Variants in NELL1 observed in about 807,000 individuals in gnomAD.
NELL1 encodes neural EGFL like 1, also known as protein kinase C-binding protein NELL1.
Under a neutral mutation model 107.4 loss-of-function variants are expected in NELL1, and 76 were observed. That is an observed-to-expected ratio of 0.71 (90% confidence interval 0.59 to 0.86). The LOEUF (loss-of-function observed/expected upper bound fraction) is 0.86, where lower values mean the gene tolerates loss of function less well. NELL1 is among the 40% of genes least tolerant of loss of function. The probability of loss-of-function intolerance (pLI) is 0.00; values close to 1 mark genes in which losing one functional copy is unlikely to be tolerated. For synonymous variants in NELL1, 353 were observed against 341.2 expected, an observed-to-expected ratio of 1.03 and a Z score of -0.38; for missense variants, 1,024 against 1,005.5, an observed-to-expected ratio of 1.02 and a Z score of -0.25.
intron 14 of NELL1, among the ~76,000 whole-genome samples, chr11:21,289,437 G>C (rs1443053371): frequency 6.6e-6 from 1 of 152,146 alleles, no homozygotes; most frequent in African/African-American, 2.4e-5. Context: ...CTAGCCAAGG[G>C]AAGCCATGAG....
intron 3 of NELL1, among the ~76,000 whole-genome samples, chr11:20,822,841 C>T (rs917071252): frequency 1.3e-5 from 2 of 152,156 alleles, no homozygotes; most frequent in Non-Finnish European, 2.9e-5. Flanking sequence ...ATGTGCTCAG[C>T]TTTGCTTAAA....
At chr11:20,727,282 C>T (rs1044709870) in intron 2 of NELL1, among the ~76,000 whole-genome samples, 19 of 152,214 alleles carry the variant, frequency 1.2e-4, no homozygotes, top group Admixed American at 4.6e-4. Context: ...TTTTAATGAT[C>T]GCCATTTTAA....
At chr11:21,131,365 G>A (rs1855612836) in intron 13 of NELL1, among the ~76,000 whole-genome samples, 1 of 152,304 alleles carries the variant, frequency 6.6e-6, no homozygotes, top group South Asian at 2.1e-4. Flanking sequence ...ATTTGGCAAG[G>A]AAATGCGGTA....
At chr11:21,010,892 C>G (rs1380113183) in intron 12 of NELL1, among the ~76,000 whole-genome samples, 1 of 152,100 alleles carries the variant, frequency 6.6e-6, no homozygotes, top group Non-Finnish European at 1.5e-5. Context: ...TGCCCAGCCC[C>G]CTTTCTGTTC....
intron 15 of NELL1, among the ~76,000 whole-genome samples, chr11:21,471,580 T>C (rs1336175430): frequency 6.6e-6 from 1 of 151,796 alleles, no homozygotes; most frequent in African/African-American, 2.4e-5. Flanking sequence ...TATTGTTTGT[T>C]TACTGTGATA....
At chr11:20,759,891 C>A (rs1334129521) in intron 2 of NELL1, among the ~76,000 whole-genome samples, 3 of 152,218 alleles carry the variant, frequency 2.0e-5, no homozygotes, top group Non-Finnish European at 4.4e-5. Flanking sequence ...TTCCTGGACT[C>A]TATCCCTGCT....
chr11:21,113,910 T>C (rs759559175), intron 13 of NELL1, among the ~76,000 whole-genome samples, 196 bp downstream of exon 13: 1 of 152,034 alleles, frequency 6.6e-6, no homozygotes, highest in East Asian at 1.9e-4. Flanking sequence ...ACTCCCAATA[T>C]TTCTGCCTCT....
intron 15 of NELL1, among the ~76,000 whole-genome samples, chr11:21,413,040 T>C (rs948348850): frequency 2.0e-5 from 3 of 152,094 alleles, no homozygotes; most frequent in Non-Finnish European, 4.4e-5. Flanking sequence ...TCCAACACTT[T>C]GGCTAATAGG....
chr11:21,074,999 G>A (rs1854101445), intron 12 of NELL1, among the ~76,000 whole-genome samples: 1 of 152,138 alleles, frequency 6.6e-6, no homozygotes, highest in Admixed American at 6.6e-5. Flanking sequence ...CAATAGTCTA[G>A]GATTATGTCA....
chr11:20,884,178 A>G lies in NELL1; in HGVS notation c.507-1266A>G, dbSNP rs77749752. ...GAGTAATGGACTGTGCAGCTAAGAT[A>G]TAAGACTGCAGCGCGACAGCTCCCA... On this transcript the variant is annotated intron_variant, in intron 4 of 19. Transcript: ENST00000357134. Among the ~76,000 whole-genome samples, 14 of 152,348 alleles carry G rather than the reference A, an allele frequency of 9.2e-5. No individual in the cohort carries two copies. In the East Asian group the frequency reaches 2.5e-3, roughly 27 times the overall value.
Position 21,024,667 on chromosome 11 carries a change from C to T in NELL1, c.1300+64107C>T, listed in dbSNP as rs534430159. ...AGGCTTGCATTCTATCAGTGAAAAA[C>T]ATGAAACAAAATAAACTTGTCTAAA... On this transcript the variant is annotated intron_variant, in intron 12 of 19. Coordinates refer to ENST00000357134, the MANE Select transcript of NELL1 (RefSeq NM_006157.5). Among the ~76,000 whole-genome samples, 18 of 152,206 alleles carry T rather than the reference C, an allele frequency of 1.2e-4. No homozygotes were observed. In the South Asian group the frequency reaches 3.7e-3, roughly 32 times the overall value.
chr11:20,763,961 T>TAATGC (rs1268958435), intron 2 of NELL1, among the ~76,000 whole-genome samples: 1 of 152,208 alleles, frequency 6.6e-6, no homozygotes, highest in Non-Finnish European at 1.5e-5. Flanking sequence ...ACTGGCAAGG[T>TAATGC]AATGCAGCCA....
chr11:21,326,927 C>A (rs1319503449), intron 14 of NELL1, among the ~76,000 whole-genome samples: 1 of 151,906 alleles, frequency 6.6e-6, no homozygotes, highest in Admixed American at 6.6e-5. Context: ...TTGTTTTCTA[C>A]GTCTTGTGTC....
At chr11:21,482,482 C>G (rs1365614060) in intron 15 of NELL1, among the ~76,000 whole-genome samples, 1 of 152,182 alleles carries the variant, frequency 6.6e-6, no homozygotes, top group Non-Finnish European at 1.5e-5. Context: ...CACATGTCGA[C>G]TACATTTCAC....
chr11:20,940,889 G>A (rs1011085869), intron 10 of NELL1, among the ~76,000 whole-genome samples: 8 of 152,150 alleles, frequency 5.3e-5, no homozygotes, highest in African/African-American at 1.4e-4. Context: ...TGTAATCCCA[G>A]CACTTTTGAG....
At chr11:21,374,278 T>C (rs976781412) in intron 15 of NELL1, among the ~76,000 whole-genome samples, 1 of 152,006 alleles carries the variant, frequency 6.6e-6, no homozygotes, top group Admixed American at 6.6e-5. Flanking sequence ...CTCAGGGACT[T>C]TTATGAGATT....
chr11:20,834,627 C>T (rs929052244), intron 3 of NELL1, among the ~76,000 whole-genome samples: 4 of 151,534 alleles, frequency 2.6e-5, no homozygotes, highest in African/African-American at 9.7e-5. Flanking sequence ...GGTGTGAACC[C>T]AGGAGGCAGA....
chr11:21,146,302 TA>T (rs1474095503), intron 13 of NELL1, among the ~76,000 whole-genome samples: 1 of 151,578 alleles, frequency 6.6e-6, no homozygotes, highest in Non-Finnish European at 1.5e-5. Flanking sequence ...TACAGAGGCA[TA>T]AGTGGGATTA....
intron 15 of NELL1, among the ~76,000 whole-genome samples, chr11:21,400,570 A>T (rs770480358): frequency 1.3e-5 from 2 of 151,822 alleles, no homozygotes; most frequent in Non-Finnish European, 2.9e-5. Context: ...GTTTAACGTA[A>T]TCTTGAAAGT....
Sources: allele counts gnomAD v4.1 joint callset (sites outside exome capture counted in the v4.1 genomes callset), GRCh38; gene constraint gnomAD v4.1.1; transcripts MANE v1.5; gene names NCBI Gene and HGNC (gene_info 2026-07-23, HGNC 2026-07-21).